C1orf159: variants seen among roughly 807,000 people sequenced by gnomAD.
C1orf159 encodes uncharacterized protein C1orf159.
Under a neutral mutation model 25.6 loss-of-function variants are expected in C1orf159, and 19 were observed. The observed-to-expected ratio is 0.74, with a 90% confidence interval of 0.52 to 1.09. The LOEUF (loss-of-function observed/expected upper bound fraction) is 1.09, where lower values mean the gene tolerates loss of function less well. Ranked by LOEUF, C1orf159 falls within the 50% of genes least tolerant of loss-of-function variation. The pLI is 0.00. For synonymous variants in C1orf159, 139 were observed against 124.7 expected (o/e 1.12, Z -0.77); for missense variants, 274 against 290.6 (o/e 0.94, Z 0.42).
intron 9 of C1orf159, chr1:1,084,040 G>A: frequency 6.2e-7 from 1 of 1,608,570 alleles, no homozygotes. Flanking sequence ...CAGGTATTGG[G>A]GGTCTGCCCT....
intron 1 of C1orf159, among the ~76,000 whole-genome samples, chr1:1,111,708 A>T (rs917581398): frequency 6.6e-6 from 1 of 152,170 alleles, no homozygotes; most frequent in African/African-American, 2.4e-5. Context: ...AGTAACTGAA[A>T]AGGGGAGGCG....
chr1:1,090,282 A>G, intron 4 of C1orf159, 71 bp downstream of exon 4: 2 of 1,431,882 alleles, frequency 1.4e-6, no homozygotes, highest in South Asian at 1.2e-5. Context: ...CACCGAGGGG[A>G]GGGCCCTGGG....
rs756169513 is a variant in C1orf159 at position 1,084,499 on chromosome 1, G to A, written c.453C>T (p.Ala151=). The change falls in exon 8 of 10, where the codon GCC becomes GCT. Residue 151 remains alanine (A), a synonymous_variant. Transcript: ENST00000421241. The stretch of plus-strand genomic sequence containing the variant: ...TACTTACGGCTTCGCCAGGCTGCAG[G>A]GCCGGAGCTGTGGGGGAGAAAGCGG... ...RACYRRNKAP[A]LQPGEAAAMI... 2 of 1,554,988 alleles carry A rather than the reference G, an allele frequency of 1.3e-6. No homozygotes were observed. The highest frequency in any genetic ancestry group is 2.4e-5 in the South Asian group (2 of 84,414).
At chr1:1,084,460 C>A in intron 8 of C1orf159, 21 bp downstream of exon 8, 1 of 1,569,696 alleles carries the variant, frequency 6.4e-7, no homozygotes, top group East Asian at 2.4e-5. Context: ...ACGCTCAGCC[C>A]GGATGATGTG....
At chr1:1,084,777 C>A (rs2100740099) in intron 7 of C1orf159, among the ~76,000 whole-genome samples, 1 of 152,266 alleles carries the variant, frequency 6.6e-6, no homozygotes. Context: ...GCTCCCTGGA[C>A]CCACCTTCCC....
chr1:1,109,037 G>A (rs1052365325), intron 1 of C1orf159, among the ~76,000 whole-genome samples: 5 of 121,582 alleles, frequency 4.1e-5, no homozygotes, highest in African/African-American at 1.8e-4. Flanking sequence ...TGTCTCGGCA[G>A]CACCGTTCAC....
chr1:1,096,120 A>G (rs185469573), intron 1 of C1orf159, among the ~76,000 whole-genome samples: 10 of 152,318 alleles, frequency 6.6e-5, no homozygotes, highest in Admixed American at 1.3e-4. Context: ...ATAGTGGTCT[A>G]TAATTTTTTT....
chr1:1,091,538 C>A lies in C1orf159; in HGVS notation c.6G>T (p.Ala2=). 6.5e-7 allele frequency: 1 copy of A among 1,549,130 alleles called. No individual in the cohort carries two copies. The highest frequency in any genetic ancestry group is 8.7e-7 in the Non-Finnish European group (1 of 1,146,760). The change falls in exon 3 of 10, where the codon GCG becomes GCT. Residue 2 remains alanine (A), a synonymous_variant. Coordinates refer to ENST00000421241, the MANE Select transcript of C1orf159 (RefSeq NM_017891.5). ...CAGCCAGGAGGGCGAGGTGCCGCAG[C>A]GCCATGCCAGGAGCAGATGCGCAGA... M[A]LRHLALLAGL...
rs562375201 is a variant in C1orf159, at chr1:1,082,613, T to TG, written c.*279dup. The TG allele has an allele frequency of 3.2e-3, 1,509 of 472,288 alleles. 10 individuals are homozygous for TG. The highest frequency in any genetic ancestry group is 0.02 in the African/African-American group (997 of 49,840). 29.3% of individuals were successfully genotyped at this position (472,288 alleles called of 1,614,324 possible). On this transcript the variant is annotated 3_prime_UTR_variant, in exon 10 of 10. Coordinates refer to ENST00000421241, the MANE Select transcript of C1orf159 (RefSeq NM_017891.5). The stretch of plus-strand genomic sequence containing the variant: ...GGCGCTGGGGCCTCACCGTGTTTCC[T>TG]GGGGGGGCCCGGACCCCCCAAGGCC...
At position 1,087,522 on chromosome 1, in the gene C1orf159, T is replaced by C. The variant is rs920681412; in HGVS notation, c.224A>G (p.Asn75Ser). 2 of 1,549,772 alleles carry C rather than the reference T, an allele frequency of 1.3e-6. No individual in the cohort carries two copies. Among genetic ancestry groups the C allele is most frequent in the Non-Finnish European group, 1.7e-6 (2 of 1,146,624 alleles). ...CCTACAGCTTCTACACTCGGAGCCG[T>C]TGTAGGCTGGGAGGGTTCCGTTCCC... ...RCGNGTLPAYNGSECRSFAGP... is the reference protein window; with the variant it reads ...RCGNGTLPAYSGSECRSFAGP... The change falls in exon 5 of 10, where the codon AAC (asparagine) becomes AGC (serine). Residue 75 changes from asparagine (N) to serine (S), a missense_variant. By Grantham distance (46) the Asn-to-Ser change is conservative. Coordinates refer to ENST00000421241, the MANE Select transcript of C1orf159 (RefSeq NM_017891.5). The surrounding 1 kb of genome is among the most constrained non-coding windows in gnomAD (Gnocchi z 8.3).
chr1:1,109,865 C>T (rs1457473580), intron 1 of C1orf159, among the ~76,000 whole-genome samples: 3 of 152,162 alleles, frequency 2.0e-5, no homozygotes, highest in Non-Finnish European at 1.5e-5. Context: ...CCAGTCACAT[C>T]CTCCATAGAC....
In C1orf159 at chr1:1,087,410, G is replaced by A; in HGVS notation, c.244+92C>T. 1 of 1,306,248 alleles carries A rather than the reference G, an allele frequency of 7.7e-7. No individual in the cohort carries two copies. The highest frequency in any genetic ancestry group is 1.4e-5 in the South Asian group (1 of 71,366). The allele number at this position is 1,306,248 out of a possible 1,614,324, so 80.9% of individuals were successfully genotyped here. A position where few individuals can be genotyped will look rare whatever the true frequency, so the allele number is the denominator to read the frequency against. On this transcript the variant is annotated intron_variant, in intron 5 of 9. Transcript: ENST00000421241. The surrounding 1 kb of genome is among the most constrained non-coding windows in gnomAD (Gnocchi z 8.3). ...CTGTTCCCCAGTGGACAGTGGCTCT[G>A]GGGCAAGGTGGGGACACAGACAGCA... is the stretch of plus-strand genomic sequence containing the variant.
intron 6 of C1orf159, among the ~76,000 whole-genome samples, 189 bp downstream of exon 6, chr1:1,086,950 C>A (rs562848893): frequency 6.6e-6 from 1 of 152,318 alleles, no homozygotes; most frequent in African/African-American, 2.4e-5. Flanking sequence ...CAGAGCCCCC[C>A]ATGACGCCCC....
chr1:1,115,763 C>G, intron 1 of C1orf159, among the ~76,000 whole-genome samples: 1 of 129,730 alleles, frequency 7.7e-6, no homozygotes, highest in Non-Finnish European at 1.7e-5. Context: ...CCCGGGGTCC[C>G]CCTGCCCTCC....
chr1:1,098,076 A>AT (rs34457162), intron 1 of C1orf159, among the ~76,000 whole-genome samples: 1,532 of 147,138 alleles, frequency 0.01, 24 homozygotes, highest in African/African-American at 0.034. Context: ...TGAGTTACAA[A>AT]TTTTTTTTTT....
In C1orf159 at chr1:1,082,794, C is replaced by A; in HGVS notation, c.*99G>T. On this transcript the variant is annotated 3_prime_UTR_variant, in exon 10 of 10. Transcript: ENST00000421241. ...GCCGAGGCTGTGCCCAGGACTGTCC[C>A]GGGCGCCGGGCGATGCCAACACTTT... is the stretch of plus-strand genomic sequence containing the variant. 8.9e-7 allele frequency: 1 copy of A among 1,118,878 alleles called. No individual in the cohort carries two copies. Among genetic ancestry groups the A allele is most frequent in the Non-Finnish European group, 1.3e-6 (1 of 757,686 alleles). The allele number at this position is 1,118,878 out of a possible 1,614,324, so 69.3% of individuals were successfully genotyped here. A position where few individuals can be genotyped will look rare whatever the true frequency, so the allele number is the denominator to read the frequency against.
At chr1:1,095,594 A>C (rs1645999665) in intron 1 of C1orf159, among the ~76,000 whole-genome samples, 1 of 152,236 alleles carries the variant, frequency 6.6e-6, no homozygotes, top group African/African-American at 2.4e-5. Context: ...CTGCATAAAT[A>C]ATCATGTCAT....
chr1:1,095,160 G>A (rs914365805), intron 1 of C1orf159, among the ~76,000 whole-genome samples: 2 of 152,184 alleles, frequency 1.3e-5, no homozygotes, highest in African/African-American at 2.4e-5. Flanking sequence ...ATCAGGGCAC[G>A]TATCAGCTCC....
chr1:1,115,074 T>C (rs538893047), intron 1 of C1orf159: 21 of 152,076 alleles, frequency 1.4e-4, no homozygotes, highest in Admixed American at 3.9e-4. Context: ...ACCCTGGTAA[T>C]ACTAAGAAAA....
Sources: gnomAD v4.1 joint callset for allele counts (sites outside exome capture counted in the v4.1 genomes callset) on GRCh38, gnomAD v4.1.1 for gene constraint, Gnocchi (gnomAD v3.1) non-coding constraint, MANE v1.5 for transcripts, NCBI Gene and HGNC (gene_info 2026-07-23, HGNC 2026-07-21) for gene names.